The following SOX5 variants were observed in gnomAD, a reference collection of about 807,000 sequenced individuals.
The protein encoded by SOX5 is transcription factor SOX-5.
A neutral mutation model predicts 92.0 loss-of-function variants in SOX5; 9 were observed. The ratio of observed to expected loss-of-function variants is 0.10; its 90% CI spans 0.06 to 0.17. The LOEUF is 0.17. Ranked by LOEUF, SOX5 falls within the 10% of genes least tolerant of loss-of-function variation. SOX5 has a pLI of 1.00. For synonymous variants in SOX5, 344 were observed against 336.3 expected, an observed-to-expected ratio of 1.02 and a Z score of -0.25; for missense variants, 642 against 944.5, an observed-to-expected ratio of 0.68 and a Z score of 4.20.
At chr12:23,601,606 A>G (rs2074505754) in intron 9 of SOX5, among the ~76,000 whole-genome samples, 1 of 152,242 alleles carries the variant, frequency 6.6e-6, no homozygotes, top group Non-Finnish European at 1.5e-5. Flanking sequence ...GCTTAAAAAC[A>G]TAAATATGAT....
intron 9 of SOX5, among the ~76,000 whole-genome samples, chr12:23,587,622 A>T (rs756515332): frequency 2.0e-5 from 3 of 152,124 alleles, no homozygotes; most frequent in Non-Finnish European, 2.9e-5. Context: ...ACTAAATCAT[A>T]AAGTATTTTA....
chr12:23,906,843 TAA>T (rs759203656), intron 1 of SOX5, among the ~76,000 whole-genome samples: 22 of 151,526 alleles, frequency 1.5e-4, no homozygotes, highest in Non-Finnish European at 3.1e-4. Flanking sequence ...GTTAAGGAAA[TAA>T]AGACAGTATT....
intron 4 of SOX5, among the ~76,000 whole-genome samples, chr12:24,207,995 AC>A (rs1286147879): frequency 1.3e-5 from 2 of 152,204 alleles, no homozygotes; most frequent in Non-Finnish European, 2.9e-5. Context: ...GTAAAAACAA[AC>A]TGCTTTTTGT....
At chr12:23,924,355 C>G (rs533564860) in intron 1 of SOX5, among the ~76,000 whole-genome samples, 1 of 152,018 alleles carries the variant, frequency 6.6e-6, no homozygotes, top group Admixed American at 6.6e-5. Flanking sequence ...GACCTAGGAC[C>G]AGACTTTATC....
At chr12:24,220,413 T>G (rs1188251345) in intron 3 of SOX5, among the ~76,000 whole-genome samples, 1 of 149,504 alleles carries the variant, frequency 6.7e-6, no homozygotes, top group African/African-American at 2.6e-5. Context: ...AGTATAAATA[T>G]GCAACGTTAC....
intron 1 of SOX5, among the ~76,000 whole-genome samples, chr12:24,414,967 A>C (rs1233998918): frequency 6.6e-6 from 1 of 152,166 alleles, no homozygotes; most frequent in Non-Finnish European, 1.5e-5. Context: ...AATGCAAATT[A>C]TATTTCTTTG....
chr12:24,496,985 A>C (rs995619514), intron 1 of SOX5, among the ~76,000 whole-genome samples: 4 of 152,190 alleles, frequency 2.6e-5, no homozygotes, highest in African/African-American at 9.7e-5. Context: ...GCTGTCCTAG[A>C]CTTTGTACAG....
intron 4 of SOX5, among the ~76,000 whole-genome samples, chr12:23,745,880 G>T (rs2093965354): frequency 6.6e-6 from 1 of 152,030 alleles, no homozygotes; most frequent in African/African-American, 2.4e-5. Context: ...GTAAATGATG[G>T]ACTTTTCTAT....
chr12:24,059,261 A>G (rs1270949696), intron 4 of SOX5, among the ~76,000 whole-genome samples: 2 of 152,188 alleles, frequency 1.3e-5, no homozygotes, highest in Non-Finnish European at 2.9e-5. Flanking sequence ...TAGAAAATCC[A>G]TATTCACAGC....
intron 6 of SOX5, among the ~76,000 whole-genome samples, chr12:23,704,549 C>T (rs1198709487): frequency 6.6e-6 from 1 of 151,028 alleles, no homozygotes; most frequent in Non-Finnish European, 1.5e-5. Context: ...TATAACGACA[C>T]CTAGGAAAGT....
chr12:24,172,274 C>T (rs139654748), intron 4 of SOX5, among the ~76,000 whole-genome samples: 3 of 152,112 alleles, frequency 2.0e-5, no homozygotes, highest in East Asian at 3.9e-4. Context: ...CAGTGAGTCA[C>T]GCCTGTAATC....
intron 4 of SOX5, among the ~76,000 whole-genome samples, chr12:23,981,935 T>G (rs961294998): frequency 8.5e-5 from 13 of 152,192 alleles, no homozygotes; most frequent in African/African-American, 2.9e-4. Flanking sequence ...CATTGTAATA[T>G]TTATGGCAAT....
chr12:24,540,100 A>C (rs1042259404), intron 1 of SOX5, among the ~76,000 whole-genome samples: 4 of 152,114 alleles, frequency 2.6e-5, no homozygotes, highest in Non-Finnish European at 5.9e-5. Flanking sequence ...CAGATCAGAC[A>C]GTCAATGGCA....
At chr12:23,753,519 A>G (rs1309649523) in intron 4 of SOX5, among the ~76,000 whole-genome samples, 1 of 151,880 alleles carries the variant, frequency 6.6e-6, no homozygotes, top group East Asian at 1.9e-4. Context: ...TAAATACATT[A>G]TTTTAAATTA....
At chr12:23,582,350 G>C in intron 9 of SOX5, 1 of 897,940 alleles carries the variant, frequency 1.1e-6, no homozygotes, top group Non-Finnish European at 1.3e-6. Context: ...TGTACCTGCT[G>C]AGCAGAACTT....
intron 1 of SOX5, among the ~76,000 whole-genome samples, chr12:24,463,577 C>T (rs1438994231): frequency 6.6e-6 from 1 of 152,172 alleles, no homozygotes; most frequent in Non-Finnish European, 1.5e-5. Context: ...CACAAAGCTC[C>T]CGTGATACTA....
intron 2 of SOX5, among the ~76,000 whole-genome samples, chr12:23,883,715 T>C (rs1489091286): frequency 1.3e-5 from 2 of 151,622 alleles, no homozygotes; most frequent in Non-Finnish European, 2.9e-5. Flanking sequence ...CTTCATTATA[T>C]ATCTCATAAT....
chr12:23,880,045 G>C (rs962046907), intron 2 of SOX5, among the ~76,000 whole-genome samples: 9 of 152,150 alleles, frequency 5.9e-5, no homozygotes, highest in Non-Finnish European at 1.0e-4. Context: ...TAGCCCCAGT[G>C]TGAGGATGCA....
rs545821917 is a variant in SOX5, at chr12:23,537,543, A to G, written c.1772-874T>C. ...ATGCGTATTACGATTTTCTCTTAAT[A>G]AATCAATTTCAATAACATACAAAGA... On this transcript the variant is annotated intron_variant, in intron 13 of 14. Coordinates refer to ENST00000451604, the MANE Select transcript of SOX5 (RefSeq NM_006940.6). Among the ~76,000 whole-genome samples, 11 of 152,310 alleles carry G rather than the reference A, an allele frequency of 7.2e-5. No individual in the cohort carries two copies. The East Asian group carries it at 9.6e-4, about 13-fold the overall frequency.
Sources: gnomAD v4.1 joint callset for allele counts (sites outside exome capture counted in the v4.1 genomes callset) on GRCh38, gnomAD v4.1.1 for gene constraint, MANE v1.5 for transcripts, NCBI Gene and HGNC (gene_info 2026-07-23, HGNC 2026-07-21) for gene names.